Variants in PVT1 observed in about 807,000 individuals in gnomAD.
The protein encoded by PVT1 is CXCR4/PVT1 fusion.
At chr8:128,087,770 T>TTTTTTTTG (rs370583568) in intron 5 of PVT1, among the ~76,000 whole-genome samples, 4 of 115,628 alleles carry the variant, frequency 3.5e-5, no homozygotes, top group African/African-American at 6.5e-5. Flanking sequence ...TTTTTTTTTT[T>TTTTTTTTG]GAGATGGAGT....
intron 3 of PVT1, among the ~76,000 whole-genome samples, chr8:127,936,394 A>G (rs1484209525): frequency 1.3e-5 from 2 of 152,102 alleles, no homozygotes; most frequent in African/African-American, 4.8e-5. Context: ...TGAAGCGCCC[A>G]GGCTAGAACT....
chr8:128,037,516 G>A (rs1813479607), intron 4 of PVT1, among the ~76,000 whole-genome samples: 1 of 152,162 alleles, frequency 6.6e-6, no homozygotes, highest in Non-Finnish European at 1.5e-5. Context: ...GGGAAGTGGG[G>A]GACAGCCTTG....
At chr8:128,083,328 G>A (rs768622361) in intron 5 of PVT1, among the ~76,000 whole-genome samples, 3 of 152,216 alleles carry the variant, frequency 2.0e-5, no homozygotes, top group Non-Finnish European at 4.4e-5. Flanking sequence ...TAAAAGAAAA[G>A]TAGTCACTAT....
chr8:127,847,769 G>A (rs1022757299), intron 2 of PVT1, among the ~76,000 whole-genome samples: 1 of 152,142 alleles, frequency 6.6e-6, no homozygotes, highest in Admixed American at 6.5e-5. Context: ...GGTGTAGAGG[G>A]GATGTAAAAA....
chr8:127,801,139 C>T (rs767477373), intron 2 of PVT1, among the ~76,000 whole-genome samples: 11 of 152,188 alleles, frequency 7.2e-5, no homozygotes, highest in Admixed American at 2.0e-4. Flanking sequence ...TAGGAGAACC[C>T]GAGCAGCATG....
In PVT1 at chr8:127,812,198, C is replaced by T. The variant is rs568116930; in HGVS notation, n.372+16127C>T. Among the ~76,000 whole-genome samples the T allele has an allele frequency of 1.4e-4, 16 of 110,886 alleles. No individual in the cohort carries two copies. The South Asian group carries it at 3.9e-3, about 27-fold the overall frequency. The allele number at this position is 110,886 out of a possible 152,430, so 72.7% of individuals were successfully genotyped here. A position where few individuals can be genotyped will look rare whatever the true frequency, so the allele number is the denominator to read the frequency against. On this transcript the variant is annotated intron_variant and non_coding_transcript_variant, in intron 2 of 10. Transcript: ENST00000651587. ...AGGGAGAGAGGGAGGGAGGGAGGGACGGAGGAAGGAGGAAAGGCAGGAAGG... is the reference window on the plus strand; with the variant it reads ...AGGGAGAGAGGGAGGGAGGGAGGGATGGAGGAAGGAGGAAAGGCAGGAAGG...
chr8:128,094,032 C>T (rs1814396329), intron 5 of PVT1, among the ~76,000 whole-genome samples: 1 of 152,128 alleles, frequency 6.6e-6, no homozygotes, highest in African/African-American at 2.4e-5. Context: ...TAGGTTTTTG[C>T]TACAGTCCTC....
At chr8:127,965,628 A>G (rs1404341542) in intron 3 of PVT1, among the ~76,000 whole-genome samples, 5 of 152,134 alleles carry the variant, frequency 3.3e-5, no homozygotes, top group African/African-American at 1.2e-4. Flanking sequence ...CTGCCCTTGG[A>G]TGTGTCAGTT....
chr8:127,895,069 C>T (rs1815658647), intron 3 of PVT1, among the ~76,000 whole-genome samples: 1 of 152,178 alleles, frequency 6.6e-6, no homozygotes, highest in Non-Finnish European at 1.5e-5. Context: ...CAGTCAATTC[C>T]TGAGTTAATT....
chr8:128,006,579 A>G (rs1454219573), intron 4 of PVT1, among the ~76,000 whole-genome samples: 1 of 152,144 alleles, frequency 6.6e-6, no homozygotes, highest in Non-Finnish European at 1.5e-5. Flanking sequence ...CTTTCACCAA[A>G]CTAATTTTAG....
intron 4 of PVT1, among the ~76,000 whole-genome samples, chr8:128,038,514 G>A (rs1468228339): frequency 6.6e-6 from 1 of 152,154 alleles, no homozygotes; most frequent in Non-Finnish European, 1.5e-5. Context: ...GGTGCGGCAC[G>A]TGAATGGGCT....
chr8:128,023,007 C>T (rs1817455866), intron 4 of PVT1, among the ~76,000 whole-genome samples: 1 of 151,922 alleles, frequency 6.6e-6, no homozygotes, highest in Non-Finnish European at 1.5e-5. Flanking sequence ...TCTGGGATTA[C>T]AGGAGTGCAC....
chr8:128,043,718 T>C (rs1304386087), intron 4 of PVT1, among the ~76,000 whole-genome samples: 1 of 151,924 alleles, frequency 6.6e-6, no homozygotes, highest in Admixed American at 6.6e-5. Context: ...TATGTGTGTG[T>C]ACACATACAT....
chr8:128,013,873 G>C (rs1331735473), intron 4 of PVT1, among the ~76,000 whole-genome samples: 1 of 152,174 alleles, frequency 6.6e-6, no homozygotes, highest in Non-Finnish European at 1.5e-5. Context: ...TGAACAAAAA[G>C]TTATTTTTTT....
intron 2 of PVT1, among the ~76,000 whole-genome samples, chr8:127,886,048 G>C (rs1405638943): frequency 2.0e-5 from 3 of 152,080 alleles, no homozygotes; most frequent in African/African-American, 7.2e-5. Flanking sequence ...AGTGAGCTGA[G>C]ATGGCACCAT....
chr8:128,013,159 G>T (rs1211612170), intron 4 of PVT1, among the ~76,000 whole-genome samples: 6 of 152,022 alleles, frequency 3.9e-5, no homozygotes, highest in Non-Finnish European at 8.8e-5. Flanking sequence ...CTAGCTCTGT[G>T]ACCTCAGAAA....
At chr8:128,029,452 A>G (rs1041342423) in intron 4 of PVT1, among the ~76,000 whole-genome samples, 1 of 152,160 alleles carries the variant, frequency 6.6e-6, no homozygotes, top group Non-Finnish European at 1.5e-5. Flanking sequence ...TTTCAAAAGT[A>G]GTACATGCTG....
chr8:127,834,912 G>C (rs771255370), intron 2 of PVT1, among the ~76,000 whole-genome samples: 1 of 152,168 alleles, frequency 6.6e-6, no homozygotes, highest in Non-Finnish European at 1.5e-5. Context: ...TCTCATGCCA[G>C]TTAGAATGGT....
intron 4 of PVT1, among the ~76,000 whole-genome samples, chr8:128,052,987 G>A (rs1339947585): frequency 2.0e-5 from 3 of 152,196 alleles, no homozygotes; most frequent in African/African-American, 7.2e-5. Context: ...GACCTTTCTA[G>A]TGCTTTCTTC....
Sources: allele counts gnomAD v4.1 joint callset (sites outside exome capture counted in the v4.1 genomes callset), GRCh38; gene constraint gnomAD v4.1.1; transcripts MANE v1.5; gene names NCBI Gene and HGNC (gene_info 2026-07-23, HGNC 2026-07-21).